Variants in SRP72 observed in about 807,000 individuals in gnomAD.
The protein encoded by SRP72 is signal recognition particle subunit SRP72.
A neutral mutation model predicts 96.3 loss-of-function variants in SRP72; 49 were observed. That is an observed-to-expected ratio of 0.51 (90% CI 0.40 to 0.65). The LOEUF is 0.65. Among genes scored for constraint, SRP72 ranks in the 30% least tolerant of loss-of-function variants. SRP72 has a pLI of 0.00. For missense variants in SRP72, 736 were observed against 793.3 expected, an observed-to-expected ratio of 0.93 and a Z score of 0.87; for synonymous variants, 267 against 275.2, an observed-to-expected ratio of 0.97 and a Z score of 0.30.
At chr4:56,494,346 T>TAAGAATATATAG (rs1210045237) in intron 16 of SRP72, among the ~76,000 whole-genome samples, 1 of 152,014 alleles carries the variant, frequency 6.6e-6, no homozygotes, top group Non-Finnish European at 1.5e-5. Context: ...TTATATCACA[T>TAAGAATATATAG]AAGAATATAT....
In SRP72 at chr4:56,467,826, G is replaced by T. The variant is rs1413636654; in HGVS notation, c.109+82G>T. ...TTTCCGGCGCGCGAGACCACCTCGC[G>T]CGGGAGGCACGGGAAGGGGAGACCC... On this transcript the variant is annotated intron_variant, in intron 1 of 18. Transcript: ENST00000642900. 3.9e-6 allele frequency: 5 copies of T among 1,296,794 alleles called. No homozygotes were observed. In the East Asian group the frequency reaches 1.2e-4, roughly 32 times the overall value. 80.3% of individuals were successfully genotyped at this position (1,296,794 alleles called of 1,614,324 possible).
At chr4:56,477,823 G>T (rs1270760939) in intron 6 of SRP72, among the ~76,000 whole-genome samples, 1 of 152,124 alleles carries the variant, frequency 6.6e-6, no homozygotes, top group South Asian at 2.1e-4. Context: ...TCGGTTAAGA[G>T]AGCTACTACT....
chr4:56,499,977 A>G lies in SRP72; in HGVS notation c.1679-559A>G, dbSNP rs566187217. Among the ~76,000 whole-genome samples, 14 of 152,374 alleles carry G rather than the reference A, an allele frequency of 9.2e-5. No homozygotes were observed. The South Asian group carries it at 1.2e-3, about 14-fold the overall frequency. The stretch of plus-strand genomic sequence containing the variant: ...TTGGAACCAACCCAAATGCCCATCA[A>G]TGATAGAGTGGATAAAGAAGATGTG... On this transcript the variant is annotated intron_variant, in intron 17 of 18. Coordinates refer to ENST00000642900, the MANE Select transcript of SRP72 (RefSeq NM_006947.4).
At chr4:56,467,842 G>A in intron 1 of SRP72, 98 bp downstream of exon 1, 1 of 1,192,384 alleles carries the variant, frequency 8.4e-7, no homozygotes, top group African/African-American at 1.6e-5. Context: ...GGCACGGGAA[G>A]GGGAGACCCC....
At chr4:56,481,014 A>G (rs1328595007) in intron 8 of SRP72, among the ~76,000 whole-genome samples, 1 of 152,212 alleles carries the variant, frequency 6.6e-6, no homozygotes, top group African/African-American at 2.4e-5. Flanking sequence ...AGTAGATTAG[A>G]TTGAACTATA....
At chr4:56,482,347 CTG>C (rs1720532142) in intron 8 of SRP72, among the ~76,000 whole-genome samples, 1 of 151,038 alleles carries the variant, frequency 6.6e-6, no homozygotes. Flanking sequence ...ACTCGGGAGA[CTG>C]AGGCAGGAGA....
rs1228183955 is a variant in SRP72 at position 56,473,353 on chromosome 4, G to A, written c.355-701G>A. ...CGGGCGCCTGGTCCCAGCTACTCGG[G>A]AGGCTGAGGCGGGAGAATGGCATGA... On this transcript the variant is annotated intron_variant, in intron 3 of 18. Transcript: ENST00000642900. Among the ~76,000 whole-genome samples, 43 of 152,050 alleles carry A rather than the reference G, an allele frequency of 2.8e-4. 1 individual carries two copies. Among genetic ancestry groups the A allele is most frequent in the Admixed American group, 2.8e-3 (43 of 15,280 alleles).
intron 17 of SRP72, among the ~76,000 whole-genome samples, chr4:56,500,267 A>G (rs1369026208): frequency 1.3e-5 from 2 of 152,138 alleles, no homozygotes; most frequent in Non-Finnish European, 2.9e-5. Flanking sequence ...CCTAATGTAG[A>G]TGACGGGTTG....
At chr4:56,499,127 T>C (rs2110133218) in intron 17 of SRP72, among the ~76,000 whole-genome samples, 1 of 152,256 alleles carries the variant, frequency 6.6e-6, no homozygotes, top group East Asian at 1.9e-4. Flanking sequence ...TCTACAACCA[T>C]CTGATCTTTG....
chr4:56,479,479 AG>A (rs1406814496), intron 8 of SRP72, among the ~76,000 whole-genome samples: 1 of 151,186 alleles, frequency 6.6e-6, no homozygotes, highest in Non-Finnish European at 1.5e-5. Context: ...GTGCCCGGCC[AG>A]GAACACTCTA....
In SRP72 at chr4:56,502,073, G is replaced by A. The variant is rs553696434; in HGVS notation, c.*212G>A. 2 of 539,828 alleles carry A rather than the reference G, an allele frequency of 3.7e-6. No homozygotes were observed. The highest frequency in any genetic ancestry group is 2.1e-5 in the South Asian group (1 of 47,552). The allele number at this position is 539,828 out of a possible 1,614,324, so 33.4% of individuals were successfully genotyped here. ...CCTCATAGCTTTGTACAGATTATGA[G>A]GACTGAAAATAATTGGGCATTTACC... On this transcript the variant is annotated 3_prime_UTR_variant, in exon 19 of 19. Coordinates refer to ENST00000642900, the MANE Select transcript of SRP72 (RefSeq NM_006947.4).
In SRP72 at chr4:56,490,647, T is replaced by G; in HGVS notation, c.1502+2T>G. 1.9e-6 allele frequency: 3 copies of G among 1,612,744 alleles called. No homozygotes were observed. In the East Asian group the frequency reaches 6.7e-5, roughly 36 times the overall value. On this transcript the variant is annotated splice_donor_variant, in intron 15 of 18. Transcript: ENST00000642900. LOFTEE classifies it high-confidence loss of function. ...TGTAGATCCAGAGAAAGCCAAAGCG[T>G]ATCCTTTTGATTGTTATTCCTTACA... is the stretch of plus-strand genomic sequence containing the variant.
chr4:56,479,106 T>A (rs967530069), intron 8 of SRP72, among the ~76,000 whole-genome samples: 1 of 152,182 alleles, frequency 6.6e-6, no homozygotes. Context: ...TGTAAAATAC[T>A]ATAAATATAT....
chr4:56,467,773 G>GGGCGGC, intron 1 of SRP72, 29 bp downstream of exon 1: 1 of 1,078,602 alleles, frequency 9.3e-7, no homozygotes, highest in Non-Finnish European at 1.3e-6. Flanking sequence ...ACTGGGGCGG[G>GGGCGGC]CCCAGGCCGG....
chr4:56,491,365 CAT>C (rs1720898423), intron 15 of SRP72, 64 bp from the exon 16 acceptor site: 3 of 1,539,834 alleles, frequency 1.9e-6, no homozygotes, highest in South Asian at 2.5e-5. Context: ...CATTGGCAAA[CAT>C]ATATATCTAT....
chr4:56,491,286 G>A (rs954207045), intron 15 of SRP72, 145 bp from the exon 16 acceptor site: 2 of 776,464 alleles, frequency 2.6e-6, no homozygotes, highest in Non-Finnish European at 2.0e-6. Flanking sequence ...TTGTATAGAA[G>A]ATTTAGGAAC....
At chr4:56,490,279 C>A in intron 13 of SRP72, 54 bp from the exon 14 acceptor site, 1 of 1,381,534 alleles carries the variant, frequency 7.2e-7, no homozygotes. Context: ...TAACTGCATG[C>A]ACTTGCTAGA....
rs560319496 is a variant in SRP72 at position 56,502,808 on chromosome 4, C to G, written c.*947C>G. ...TCTGTTTGGCCCATTGATAGATACT[C>G]AAATGGTGTCTCCTTCTGGTTATGG... On this transcript the variant is annotated 3_prime_UTR_variant, in exon 19 of 19. Coordinates refer to ENST00000642900, the MANE Select transcript of SRP72 (RefSeq NM_006947.4). 1.3e-5 allele frequency: 2 copies of G among 152,200 alleles called. No individual in the cohort carries two copies. Among genetic ancestry groups the G allele is most frequent in the African/African-American group, 4.8e-5 (2 of 41,538 alleles). 9.4% of individuals were successfully genotyped at this position (152,200 alleles called of 1,614,324 possible).
Position 56,471,926 on chromosome 4 carries a change from C to G in SRP72, c.354+83C>G. On this transcript the variant is annotated intron_variant, in intron 3 of 18. Transcript: ENST00000642900. Reference sequence around the variant, plus strand: ...TAGCAAGGAGCAGGGTTGAGGAAACCCAGCCCATCCTGATGCTCCACAAAA... The same window carrying G: ...TAGCAAGGAGCAGGGTTGAGGAAACGCAGCCCATCCTGATGCTCCACAAAA... 5 of 1,527,474 alleles carry G rather than the reference C, an allele frequency of 3.3e-6. No homozygotes were observed. In the African/African-American group the frequency reaches 5.5e-5, roughly 17 times the overall value. 94.6% of individuals were successfully genotyped at this position (1,527,474 alleles called of 1,614,324 possible).
Sources: allele counts gnomAD v4.1 joint callset (sites outside exome capture counted in the v4.1 genomes callset), GRCh38; gene constraint gnomAD v4.1.1; transcripts MANE v1.5; gene names NCBI Gene and HGNC (gene_info 2026-07-23, HGNC 2026-07-21).